The following FRMPD1 variants were observed in gnomAD, a reference collection of about 807,000 sequenced individuals.
The protein encoded by FRMPD1 is FERM and PDZ domain-containing protein 1.
In FRMPD1, 76 loss-of-function variants were observed where a neutral mutation model predicts 117.8. The ratio of observed to expected loss-of-function variants is 0.65; its 90% confidence interval spans 0.54 to 0.78. The LOEUF (loss-of-function observed/expected upper bound fraction) is 0.78. Ranked by LOEUF, FRMPD1 falls within the 30% of genes least tolerant of loss-of-function variation. The probability of loss-of-function intolerance (pLI) is 0.00; values close to 1 mark genes in which losing one functional copy is unlikely to be tolerated. For synonymous variants in FRMPD1, 783 were observed against 770.4 expected, an observed-to-expected ratio of 1.02 and a Z score of -0.27; for missense variants, 1,786 against 1,964.5, an observed-to-expected ratio of 0.91 and a Z score of 1.72.
chr9:37,696,270 T>A (rs1822320667), intron 2 of FRMPD1, among the ~76,000 whole-genome samples: 1 of 151,962 alleles, frequency 6.6e-6, no homozygotes, highest in Non-Finnish European at 1.5e-5. Flanking sequence ...GCTTGTTTCC[T>A]CCAGGGTACT....
chr9:37,614,294 C>T, the FRMPD1 span, among the ~76,000 whole-genome samples: 1 of 152,188 alleles, frequency 6.6e-6, no homozygotes, highest in Non-Finnish European at 1.5e-5. Flanking sequence ...GCAAAGATAC[C>T]AAGTCTGGAA....
In FRMPD1 at chr9:37,744,658, G is replaced by C. The variant is rs749100642; in HGVS notation, c.2626G>C (p.Ala876Pro). Residue 876 changes from alanine (A) to proline (P), a missense_variant, in exon 16 of 16, where the codon GCC becomes CCC. Physicochemically the swap from Ala to Pro is conservative, Grantham distance 27. Coordinates refer to ENST00000377765, the MANE Select transcript of FRMPD1 (RefSeq NM_014907.3). The stretch of plus-strand genomic sequence containing the variant: ...CTACTATGACAGGGAGCCCTACCTG[G>C]CCCTTGGTGCACCCTCCCCAACTGT... ...VCYYDREPYL[A>P]LGAPSPTVSS... 2.5e-6 allele frequency: 4 copies of C among 1,613,892 alleles called. No individual in the cohort carries two copies. In the African/African-American group the frequency reaches 5.3e-5, roughly 22 times the overall value.
intron 1 of FRMPD1, among the ~76,000 whole-genome samples, chr9:37,690,855 G>A (rs1272096964): frequency 1.3e-5 from 2 of 152,152 alleles, no homozygotes; most frequent in African/African-American, 4.8e-5. Flanking sequence ...TCATCCCATG[G>A]AAGAAGGTGG....
chr9:37,713,389 T>A (rs569465487), intron 5 of FRMPD1, among the ~76,000 whole-genome samples: 1 of 152,226 alleles, frequency 6.6e-6, no homozygotes, highest in Non-Finnish European at 1.5e-5. Flanking sequence ...GGGTGGCGGA[T>A]AGCTTGAGCT....
rs770001463 is a variant in FRMPD1, at chr9:37,744,905, T to G, written c.2873T>G (p.Val958Gly). 4 of 1,614,228 alleles carry G rather than the reference T, an allele frequency of 2.5e-6. No homozygotes were observed. The highest frequency in any genetic ancestry group is 1.6e-4 in the Middle Eastern group (1 of 6,062). The change falls in exon 16 of 16, where the codon GTT becomes GGT. Residue 958 changes from valine to glycine, a missense_variant. Val to Gly is a moderately radical substitution (Grantham distance 109). Coordinates refer to ENST00000377765, the MANE Select transcript of FRMPD1 (RefSeq NM_014907.3). ...CCCAACAATAAAGAGAATTCTGGTG[T>G]TGTCCCTGCTGCCAGCTCCTCAGCA... ...IDPNNKENSG[V>G]VPAASSSAST...
intron 3 of FRMPD1, 106 bp downstream of exon 3, chr9:37,707,679 C>A: frequency 1.0e-6 from 1 of 967,762 alleles, no homozygotes; most frequent in Non-Finnish European, 1.6e-6. Flanking sequence ...AAAATCCTAC[C>A]TGGGAAGTTA....
At chr9:37,719,001 G>T in intron 5 of FRMPD1, 68 bp from the exon 6 acceptor site, 1 of 906,646 alleles carries the variant, frequency 1.1e-6, no homozygotes, top group South Asian at 1.3e-5. Context: ...TTTAAGAAAT[G>T]AGAAGATAGA....
intron 9 of FRMPD1, 37 bp downstream of exon 9, chr9:37,731,140 G>C: frequency 6.2e-7 from 1 of 1,603,494 alleles, no homozygotes; most frequent in Admixed American, 1.7e-5. Flanking sequence ...AACAGTGGTT[G>C]TTCTCAAAGA....
chr9:37,661,079 GCCC>G (rs1383986372), intron 1 of FRMPD1, among the ~76,000 whole-genome samples: 1 of 152,150 alleles, frequency 6.6e-6, no homozygotes, highest in Non-Finnish European at 1.5e-5. Context: ...GAGGGGTGGT[GCCC>G]CCTCTCTGCA....
At chr9:37,711,321 G>A in intron 4 of FRMPD1, 29 bp from the exon 5 acceptor site, 6 of 1,531,790 alleles carry the variant, frequency 3.9e-6, no homozygotes, top group Non-Finnish European at 5.4e-6. Flanking sequence ...ACGACTAAAT[G>A]TTTTTGTCTT....
Position 37,708,413 on chromosome 9 carries a change from G to A in FRMPD1, c.274G>A (p.Gly92Ser), listed in dbSNP as rs1017054886. Reference protein sequence around the residue: ...VAVTAGGSAHGKLFPGDQILQ... With the variant: ...VAVTAGGSAHSKLFPGDQILQ... ...CTGTCCAACAGGAGGCTCTGCTCAC[G>A]GCAAGCTTTTCCCTGGTGATCAGAT... The change falls in exon 4 of 16, where the codon GGC becomes AGC. Residue 92 changes from glycine to serine, a missense_variant. Gly to Ser is a moderately conservative substitution (Grantham distance 56, BLOSUM62 0). Transcript: ENST00000377765. The A allele has an allele frequency of 3.6e-5, 58 of 1,610,506 alleles. No individual in the cohort carries two copies. The highest frequency in any genetic ancestry group is 1.7e-4 in the Middle Eastern group (1 of 6,050).
the FRMPD1 span, among the ~76,000 whole-genome samples, chr9:37,606,831 A>T: frequency 6.6e-6 from 1 of 152,076 alleles, no homozygotes; most frequent in Non-Finnish European, 1.5e-5. Flanking sequence ...AGCCAGAGAG[A>T]GGCTGGAGTA....
the FRMPD1 span, among the ~76,000 whole-genome samples, chr9:37,635,908 G>T: frequency 1.3e-5 from 2 of 152,214 alleles, no homozygotes; most frequent in Non-Finnish European, 2.9e-5. Flanking sequence ...AGCAGTGAGA[G>T]GGTTAAGGCT....
chr9:37,664,789 C>T (rs965968307), intron 1 of FRMPD1, among the ~76,000 whole-genome samples: 1 of 152,000 alleles, frequency 6.6e-6, no homozygotes, highest in Non-Finnish European at 1.5e-5. Flanking sequence ...AACAGAAGCC[C>T]CCTTATAAAT....
chr9:37,615,732 C>T, the FRMPD1 span, among the ~76,000 whole-genome samples: 1,133 of 152,216 alleles, frequency 7.4e-3, 56 homozygotes, highest in Admixed American at 0.066. Flanking sequence ...CGGGATTTCC[C>T]AAACTAGATG....
the FRMPD1 span, among the ~76,000 whole-genome samples, chr9:37,625,487 G>T: frequency 6.6e-6 from 1 of 152,130 alleles, no homozygotes; most frequent in Non-Finnish European, 1.5e-5. Flanking sequence ...GGACGCGCAG[G>T]AGTGTTTCCC....
chr9:37,686,886 G>T (rs1278854161), intron 1 of FRMPD1, among the ~76,000 whole-genome samples: 1 of 152,180 alleles, frequency 6.6e-6, no homozygotes, highest in African/African-American at 2.4e-5. Flanking sequence ...CTCTTCCAGT[G>T]CTGTGCTTAC....
chr9:37,662,373 C>T (rs76321693), intron 1 of FRMPD1, among the ~76,000 whole-genome samples: 5,044 of 152,260 alleles, frequency 0.033, 282 homozygotes, highest in African/African-American at 0.12. Context: ...TTGGGGGGTA[C>T]ATTCAAACCA....
rs372148597 is a variant in FRMPD1 at position 37,738,746 on chromosome 9, G to A, written c.1550-1332G>A. On this transcript the variant is annotated intron_variant, in intron 14 of 15. Coordinates refer to ENST00000377765, the MANE Select transcript of FRMPD1 (RefSeq NM_014907.3). ...AACAGGGCTGTTGTGGAGGGGTTGTGGGGGGGACTGCTGCTGCCTGTCAGA... is the reference window on the plus strand; with the variant it reads ...AACAGGGCTGTTGTGGAGGGGTTGTAGGGGGGACTGCTGCTGCCTGTCAGA... Among the ~76,000 whole-genome samples the A allele has an allele frequency of 2.2e-4, 34 of 152,202 alleles. No individual in the cohort carries two copies. In the South Asian group the frequency reaches 6.4e-3, roughly 29 times the overall value.
Sources: gnomAD v4.1 joint callset for allele counts (sites outside exome capture counted in the v4.1 genomes callset) on GRCh38, gnomAD v4.1.1 for gene constraint, MANE v1.5 for transcripts, NCBI Gene and HGNC (gene_info 2026-07-23, HGNC 2026-07-21) for gene names.